GLCCI1: variants seen among roughly 807,000 people sequenced by gnomAD.
GLCCI1 encodes glucocorticoid induced 1, also known as glucocorticoid-induced transcript 1 protein.
A neutral mutation model predicts 52.2 loss-of-function variants in GLCCI1; 24 were observed. That is an observed-to-expected ratio of 0.46 (90% CI 0.33 to 0.65). The LOEUF is 0.65. GLCCI1 is among the 30% of genes least tolerant of loss of function. GLCCI1 has a pLI of 0.02. For missense variants in GLCCI1, 704 were observed against 701.5 expected (o/e 1.00, Z -0.04); for synonymous variants, 310 against 276.5 (o/e 1.12, Z -1.20).
chr7:8,071,215 TTTC>T (rs1172425612), intron 6 of GLCCI1, 84 bp downstream of exon 6: 21 of 1,118,928 alleles, frequency 1.9e-5, no homozygotes, highest in Non-Finnish European at 2.6e-5. Context: ...TCTTTTTTTT[TTTC>T]TTTTGTTCAA....
intron 2 of GLCCI1, among the ~76,000 whole-genome samples, chr7:8,007,990 A>G (rs1010616480): frequency 3.3e-5 from 5 of 152,190 alleles, no homozygotes; most frequent in Admixed American, 2.6e-4. Flanking sequence ...AATTATTTAT[A>G]TATTAATGGT....
intron 1 of GLCCI1, among the ~76,000 whole-genome samples, chr7:7,993,309 C>T (rs1350759769): frequency 6.6e-6 from 1 of 152,186 alleles, no homozygotes; most frequent in Non-Finnish European, 1.5e-5. Context: ...CTCGATTCTG[C>T]TCTCTTCCTG....
intron 1 of GLCCI1, among the ~76,000 whole-genome samples, chr7:7,992,104 TGTTTCTC>T (rs1562419546): frequency 6.0e-5 from 7 of 116,726 alleles, no homozygotes; most frequent in African/African-American, 2.6e-4. Context: ...TCTTTCTGTC[TGTTTCTC>T]TCTCTCTCTC....
chr7:8,007,276 A>T (rs6948601), intron 2 of GLCCI1, among the ~76,000 whole-genome samples: 21,121 of 152,168 alleles, frequency 0.14, 1,606 homozygotes, highest in Admixed American at 0.19. Context: ...TTTGTACATC[A>T]TTACATAGCT....
intron 2 of GLCCI1, among the ~76,000 whole-genome samples, chr7:8,006,841 C>T (rs942194160): frequency 4.6e-5 from 7 of 152,206 alleles, no homozygotes; most frequent in African/African-American, 1.7e-4. Context: ...TCCTACCCTA[C>T]AATCTATTCT....
chr7:8,085,427 C>G (rs571442522), intron 7 of GLCCI1, among the ~76,000 whole-genome samples: 49 of 152,344 alleles, frequency 3.2e-4, no homozygotes, highest in African/African-American at 1.1e-3. Context: ...CTTACTTATT[C>G]AGACTTTCTG....
intron 5 of GLCCI1, among the ~76,000 whole-genome samples, chr7:8,069,349 T>A (rs1782703175): frequency 6.6e-6 from 1 of 152,122 alleles, no homozygotes; most frequent in Non-Finnish European, 1.5e-5. Flanking sequence ...GGCAGCTTGC[T>A]GGAGGTGTGG....
At chr7:8,064,224 T>C (rs1259111574) in intron 5 of GLCCI1, among the ~76,000 whole-genome samples, 1 of 152,218 alleles carries the variant, frequency 6.6e-6, no homozygotes, top group Non-Finnish European at 1.5e-5. Context: ...TCTGGTGTTT[T>C]TATAGTTTCA....
chr7:7,994,090 C>CA (rs1208898299), intron 1 of GLCCI1, among the ~76,000 whole-genome samples: 1 of 152,060 alleles, frequency 6.6e-6, no homozygotes, highest in African/African-American at 2.4e-5. Context: ...CCTGTCTCTA[C>CA]AAAAAATACA....
At chr7:8,012,355 A>G (rs1781280955) in intron 2 of GLCCI1, among the ~76,000 whole-genome samples, 1 of 148,210 alleles carries the variant, frequency 6.7e-6, no homozygotes, top group African/African-American at 2.5e-5. Context: ...AGTTCTTTAT[A>G]TATACTGGAT....
At position 8,055,545 on chromosome 7, in the gene GLCCI1, C is replaced by T. The variant is rs746108839; in HGVS notation, c.809C>T (p.Thr270Ile). 4.5e-6 allele frequency: 7 copies of T among 1,554,444 alleles called. No homozygotes were observed. Among genetic ancestry groups the T allele is most frequent in the Non-Finnish European group, 6.2e-6 (7 of 1,125,856 alleles). Reference protein sequence around the residue: ...LHGNHITISHTQATGSRSVPM... With the variant: ...LHGNHITISHIQATGSRSVPM... ...GGCAACCATATAACAATCAGTCACA[C>T]TCAGGTAGGCTAACTTCTTGTCCAG... Residue 270 changes from threonine (T) to isoleucine (I), a missense_variant, in exon 4 of 8, where the codon ACT becomes ATT. Physicochemically the swap from Thr to Ile is moderately conservative, Grantham distance 89. Transcript: ENST00000223145.
chr7:7,969,820 A>G lies in GLCCI1; in HGVS notation c.457+13A>G. ...CCCGTGTGCAGAGGTAGCGAGCCCA[A>G]CCCTCCCGTCCTCCCGGGCTGCGTC... On this transcript the variant is annotated intron_variant, in intron 1 of 7. Coordinates refer to ENST00000223145, the MANE Select transcript of GLCCI1 (RefSeq NM_138426.4). The surrounding 1 kb of genome is among the most constrained non-coding windows in gnomAD (Gnocchi z 4.9). The G allele has an allele frequency of 6.9e-7, 1 of 1,440,008 alleles. No individual in the cohort carries two copies. The allele number at this position is 1,440,008 out of a possible 1,614,324, so 89.2% of individuals were successfully genotyped here.
rs1348222288 is a variant in GLCCI1 at position 8,089,038 on chromosome 7, G to C, written c.*2500G>C. 2 of 152,688 alleles carry C rather than the reference G, an allele frequency of 1.3e-5. No individual in the cohort carries two copies. Among genetic ancestry groups the C allele is most frequent in the African/African-American group, 2.4e-5 (1 of 41,564 alleles). The allele number at this position is 152,688 out of a possible 1,614,324, so 9.5% of individuals were successfully genotyped here. A position where few individuals can be genotyped will look rare whatever the true frequency, so the allele number is the denominator to read the frequency against. On this transcript the variant is annotated 3_prime_UTR_variant, in exon 8 of 8. Transcript: ENST00000223145. ...TGTTTTGTATTTTTTCAGTATAGAAGTTCCTGTGTCTTATTTAAATAAAGT... is the reference window on the plus strand; with the variant it reads ...TGTTTTGTATTTTTTCAGTATAGAACTTCCTGTGTCTTATTTAAATAAAGT...
At chr7:8,046,076 G>T (rs1782118014) in intron 3 of GLCCI1, among the ~76,000 whole-genome samples, 1 of 152,076 alleles carries the variant, frequency 6.6e-6, no homozygotes, top group African/African-American at 2.4e-5. Flanking sequence ...TGCAAATCTT[G>T]TAACAAAATT....
intron 3 of GLCCI1, among the ~76,000 whole-genome samples, chr7:8,035,276 G>A (rs1781840685): frequency 6.6e-6 from 1 of 152,232 alleles, no homozygotes; most frequent in South Asian, 2.1e-4. Flanking sequence ...TTCCAGTGCA[G>A]ATGTGGGCAC....
intron 6 of GLCCI1, among the ~76,000 whole-genome samples, chr7:8,081,595 GAT>G: frequency 6.6e-6 from 1 of 152,220 alleles, no homozygotes; most frequent in African/African-American, 2.4e-5. Flanking sequence ...CAATATACCA[GAT>G]ATAATAAAAA....
At chr7:8,067,135 C>T (rs1404233831) in intron 5 of GLCCI1, among the ~76,000 whole-genome samples, 1 of 152,128 alleles carries the variant, frequency 6.6e-6, no homozygotes, top group African/African-American at 2.4e-5. Context: ...CCATTATATA[C>T]TGACCTTGTC....
intron 1 of GLCCI1, among the ~76,000 whole-genome samples, chr7:7,987,616 C>T (rs1780761214): frequency 6.6e-6 from 1 of 152,138 alleles, no homozygotes; most frequent in South Asian, 2.1e-4. Flanking sequence ...TTGACAGAGT[C>T]TCGCTCTGTT....
Position 7,969,495 on chromosome 7 carries a change from G to C in GLCCI1, c.145G>C (p.Val49Leu). 1 of 1,015,160 alleles carries C rather than the reference G, an allele frequency of 9.9e-7. No homozygotes were observed. The highest frequency in any genetic ancestry group is 1.2e-6 in the Non-Finnish European group (1 of 851,930). 62.9% of individuals were successfully genotyped at this position (1,015,160 alleles called of 1,614,324 possible). The change falls in exon 1 of 8, where the codon GTG becomes CTG. Residue 49 changes from valine to leucine, a missense_variant. Physicochemically the swap from Val to Leu is conservative, Grantham distance 32. Transcript: ENST00000223145. This position sits in a 1 kb window ranked among gnomAD's most constrained non-coding sequence, Gnocchi z 4.9. ...SGNGAGGGGG[V>L]GCAPAAGAGR... ...GAACGGTGCGGGCGGCGGCGGCGGCGTGGGCTGCGCCCCGGCTGCGGGAGC... is the reference window on the plus strand; with the variant it reads ...GAACGGTGCGGGCGGCGGCGGCGGCCTGGGCTGCGCCCCGGCTGCGGGAGC...
Sources: gnomAD v4.1 joint callset for allele counts (sites outside exome capture counted in the v4.1 genomes callset) on GRCh38, gnomAD v4.1.1 for gene constraint, Gnocchi (gnomAD v3.1) non-coding constraint, MANE v1.5 for transcripts, NCBI Gene and HGNC (gene_info 2026-07-23, HGNC 2026-07-21) for gene names.